Variants in CLSTN2 observed in about 807,000 individuals in gnomAD.
CLSTN2 encodes calsyntenin 2, also known as calsyntenin-2.
In CLSTN2, 48 loss-of-function variants were observed where a neutral mutation model predicts 101.2. That is an observed-to-expected ratio of 0.47 (90% confidence interval 0.38 to 0.60). CLSTN2 has a LOEUF of 0.60. Ranked by LOEUF, CLSTN2 falls within the 20% of genes least tolerant of loss-of-function variation. The probability of loss-of-function intolerance (pLI) is 0.00; values close to 1 mark genes in which losing one functional copy is unlikely to be tolerated. For synonymous variants in CLSTN2, 481 were observed against 463.6 expected, an observed-to-expected ratio of 1.04 and a Z score of -0.48; for missense variants, 1,160 against 1,238.2, an observed-to-expected ratio of 0.94 and a Z score of 0.95.
At chr3:140,086,304 T>C (rs2008680023) in intron 1 of CLSTN2, among the ~76,000 whole-genome samples, 1 of 152,216 alleles carries the variant, frequency 6.6e-6, no homozygotes, top group East Asian at 1.9e-4. Context: ...GTGCATGCTG[T>C]AGTGCATAGA....
At chr3:140,319,893 A>G (rs2087265243) in intron 2 of CLSTN2, among the ~76,000 whole-genome samples, 1 of 152,250 alleles carries the variant, frequency 6.6e-6, no homozygotes, top group South Asian at 2.1e-4. Context: ...CCCCTCAGAG[A>G]AAAGGCTGCT....
At chr3:140,182,338 G>A (rs1487795731) in intron 2 of CLSTN2, among the ~76,000 whole-genome samples, 1 of 152,082 alleles carries the variant, frequency 6.6e-6, no homozygotes, top group African/African-American at 2.4e-5. Flanking sequence ...GGCAGTTTAT[G>A]GAAGCAGCAA....
chr3:140,491,451 AC>A (rs1012900340), intron 8 of CLSTN2, among the ~76,000 whole-genome samples: 2 of 152,252 alleles, frequency 1.3e-5, no homozygotes, highest in African/African-American at 4.8e-5. Flanking sequence ...TTTAGTAGTT[AC>A]CCATTTATTT....
chr3:140,562,106 T>A, intron 12 of CLSTN2, 32 bp from the exon 13 acceptor site: 1 of 1,605,764 alleles, frequency 6.2e-7, no homozygotes, highest in Non-Finnish European at 8.5e-7. Context: ...CTGTCCTTCA[T>A]GCCTGCATTT....
At chr3:140,466,569 A>G (rs965387532) in intron 7 of CLSTN2, 41 bp from the exon 8 acceptor site, 16 of 1,613,282 alleles carry the variant, frequency 9.9e-6, no homozygotes, top group African/African-American at 4.0e-5. Flanking sequence ...AGGCTGACAC[A>G]GGGGTTCTCT....
chr3:140,259,539 AT>A (rs1262923902), intron 2 of CLSTN2, among the ~76,000 whole-genome samples: 1 of 152,182 alleles, frequency 6.6e-6, no homozygotes, highest in Non-Finnish European at 1.5e-5. Flanking sequence ...AAGTTTTGAC[AT>A]TCCTGTACAA....
chr3:140,242,328 C>A (rs1244005168), intron 2 of CLSTN2, among the ~76,000 whole-genome samples: 1 of 152,170 alleles, frequency 6.6e-6, no homozygotes, highest in Non-Finnish European at 1.5e-5. Context: ...ATCCCCAATA[C>A]TTCCCATGAA....
chr3:140,363,338 G>T (rs369450666), intron 2 of CLSTN2, among the ~76,000 whole-genome samples: 15 of 152,202 alleles, frequency 9.9e-5, no homozygotes, highest in African/African-American at 3.4e-4. Context: ...AGGGGTGAGA[G>T]CCCCCAACTT....
At chr3:140,476,011 C>A (rs1448892286) in intron 8 of CLSTN2, among the ~76,000 whole-genome samples, 2 of 152,198 alleles carry the variant, frequency 1.3e-5, no homozygotes, top group Non-Finnish European at 2.9e-5. Context: ...CTGATGGAAG[C>A]AGCAGGAGCT....
chr3:140,294,089 G>A (rs994414786), intron 2 of CLSTN2, among the ~76,000 whole-genome samples: 1 of 152,176 alleles, frequency 6.6e-6, no homozygotes, highest in Non-Finnish European at 1.5e-5. Context: ...TTTAACATAC[G>A]AATCTTGGGT....
At chr3:140,029,452 T>C (rs1384206250) in intron 1 of CLSTN2, among the ~76,000 whole-genome samples, 1 of 152,214 alleles carries the variant, frequency 6.6e-6, no homozygotes, top group Non-Finnish European at 1.5e-5. Flanking sequence ...ATAGAACAGC[T>C]GATACGGATG....
At chr3:140,424,164 C>T (rs2088536002) in intron 5 of CLSTN2, among the ~76,000 whole-genome samples, 1 of 152,174 alleles carries the variant, frequency 6.6e-6, no homozygotes. Context: ...TTACCCCTTG[C>T]AATTCCTTCC....
At chr3:140,185,007 G>A (rs1460455415) in intron 2 of CLSTN2, among the ~76,000 whole-genome samples, 1 of 152,120 alleles carries the variant, frequency 6.6e-6, no homozygotes, top group East Asian at 1.9e-4. Flanking sequence ...ATATCCTGCT[G>A]GAAAAATGTT....
chr3:139,976,963 A>T (rs1289203664), intron 1 of CLSTN2, among the ~76,000 whole-genome samples: 1 of 152,164 alleles, frequency 6.6e-6, no homozygotes, highest in Admixed American at 6.5e-5. Flanking sequence ...CGCCCGCTCC[A>T]TCTGCCTCCT....
chr3:140,248,554 G>A (rs1211982689), intron 2 of CLSTN2, among the ~76,000 whole-genome samples: 2 of 152,154 alleles, frequency 1.3e-5, no homozygotes, highest in Non-Finnish European at 2.9e-5. Flanking sequence ...CACCTAGGAA[G>A]ACAATCGTTG....
At chr3:140,005,622 T>C (rs990124433) in intron 1 of CLSTN2, among the ~76,000 whole-genome samples, 1 of 152,222 alleles carries the variant, frequency 6.6e-6, no homozygotes, top group Non-Finnish European at 1.5e-5. Flanking sequence ...ATTCCCACCG[T>C]TGAACAGCTA....
chr3:140,421,318 A>C, intron 5 of CLSTN2, 44 bp downstream of exon 5: 1 of 1,610,140 alleles, frequency 6.2e-7, no homozygotes, highest in Non-Finnish European at 8.5e-7. Flanking sequence ...GCATGGTCTG[A>C]TGTATAGAAG....
intron 2 of CLSTN2, among the ~76,000 whole-genome samples, chr3:140,265,935 G>A (rs1407404611): frequency 6.6e-6 from 1 of 152,148 alleles, no homozygotes; most frequent in Non-Finnish European, 1.5e-5. Flanking sequence ...TAGGGTTCTT[G>A]GATCCCTCAC....
intron 2 of CLSTN2, among the ~76,000 whole-genome samples, chr3:140,213,050 A>G (rs943263828): frequency 6.6e-6 from 1 of 152,360 alleles, no homozygotes; most frequent in Non-Finnish European, 1.5e-5. Context: ...TTAAACTTCA[A>G]ATAACTTCAT....
Sources: allele counts gnomAD v4.1 joint callset (sites outside exome capture counted in the v4.1 genomes callset), GRCh38; gene constraint gnomAD v4.1.1; transcripts MANE v1.5; gene names NCBI Gene and HGNC (gene_info 2026-07-23, HGNC 2026-07-21).